The following YAP1 variants were observed in gnomAD, a reference collection of about 807,000 sequenced individuals.
YAP1 encodes transcriptional coactivator YAP1.
A neutral mutation model predicts 56.9 loss-of-function variants in YAP1; 5 were observed. The observed-to-expected ratio is 0.09, with a 90% confidence interval of 0.05 to 0.18. YAP1 has a LOEUF of 0.18. Among genes scored for constraint, YAP1 ranks in the 10% least tolerant of loss-of-function variants. The probability of loss-of-function intolerance (pLI) is 1.00; values close to 1 mark genes in which losing one functional copy is unlikely to be tolerated. For missense variants in YAP1, 539 were observed against 651.8 expected, an observed-to-expected ratio of 0.83 and a Z score of 1.88; for synonymous variants, 265 against 248.1, an observed-to-expected ratio of 1.07 and a Z score of -0.64.
At chr11:102,116,690 G>A (rs1343506006) in intron 2 of YAP1, among the ~76,000 whole-genome samples, 2 of 152,294 alleles carry the variant, frequency 1.3e-5, no homozygotes, top group African/African-American at 4.8e-5. Flanking sequence ...GAGGAGGAGA[G>A]ATAAGACATG....
chr11:102,117,639 G>A (rs1394144660), intron 2 of YAP1, among the ~76,000 whole-genome samples: 3 of 152,150 alleles, frequency 2.0e-5, no homozygotes, highest in African/African-American at 4.8e-5. Context: ...GCCCTCCTTA[G>A]GTCAGTGAGA....
At position 102,110,903 on chromosome 11, in the gene YAP1, C is replaced by A. The variant is rs1402910700; in HGVS notation, c.55C>A (p.Pro19Thr). Residue 19 changes from proline (P) to threonine (T), a missense_variant, in exon 1 of 9, where the codon CCG (proline) becomes ACG (threonine). Transcript: ENST00000282441. Reference sequence around the variant, plus strand: ...ACCGGCCCCCCAGGGCCAAGGGCAGCCGCCTTCGCAGCCCCCGCAGGGGCA... The same window carrying A: ...ACCGGCCCCCCAGGGCCAAGGGCAGACGCCTTCGCAGCCCCCGCAGGGGCA... Reference protein sequence around the residue: ...PQPAPQGQGQPPSQPPQGQGP... With the variant: ...PQPAPQGQGQTPSQPPQGQGP... 1 of 1,435,248 alleles carries A rather than the reference C, an allele frequency of 7.0e-7. No homozygotes were observed. Among genetic ancestry groups the A allele is most frequent in the East Asian group, 3.1e-5 (1 of 31,784 alleles). 88.9% of individuals were successfully genotyped at this position (1,435,248 alleles called of 1,614,324 possible).
At chr11:102,111,358 C>T (rs1005574944) in intron 1 of YAP1, among the ~76,000 whole-genome samples, 189 bp downstream of exon 1, 2 of 152,140 alleles carry the variant, frequency 1.3e-5, no homozygotes, top group African/African-American at 2.4e-5. Flanking sequence ...CCCCACTCCT[C>T]CCAGAGTCCG....
chr11:102,181,486 C>T (rs1947621616), intron 3 of YAP1, among the ~76,000 whole-genome samples: 1 of 152,022 alleles, frequency 6.6e-6, no homozygotes, highest in Admixed American at 6.6e-5. Flanking sequence ...ATAATAACTC[C>T]TATGGGTCAC....
rs1410982659 is a variant in YAP1 at position 102,207,519 on chromosome 11, C to CT, written c.984+1446dup. Among the ~76,000 whole-genome samples the CT allele has an allele frequency of 2.0e-5, 3 of 150,832 alleles. No individual in the cohort carries two copies. In the East Asian group the frequency reaches 5.8e-4, roughly 29 times the overall value. On this transcript the variant is annotated intron_variant, in intron 5 of 8. Transcript: ENST00000282441. The stretch of plus-strand genomic sequence containing the variant: ...CCAGCCTGGGCAACATGGCGAGACT[C>CT]TGTCTCTTAAAAAAAAAAAAAGCTC...
At chr11:102,206,210 A>G (rs1207000499) in intron 5 of YAP1, 136 bp downstream of exon 5, 19 of 1,043,934 alleles carry the variant, frequency 1.8e-5, no homozygotes, top group East Asian at 2.7e-5. Context: ...GAAGCATTCT[A>G]TCCAGCCCTG....
chr11:102,223,105 G>C (rs1301670079), intron 6 of YAP1, among the ~76,000 whole-genome samples: 2 of 151,776 alleles, frequency 1.3e-5, no homozygotes, highest in African/African-American at 2.4e-5. Flanking sequence ...AAAATTAGCT[G>C]GGCGTGGTGG....
At chr11:102,130,345 A>G (rs191570981) in intron 2 of YAP1, among the ~76,000 whole-genome samples, 113 of 152,262 alleles carry the variant, frequency 7.4e-4, no homozygotes, top group African/African-American at 2.6e-3. Context: ...CCTGGAACCA[A>G]TTCTTACCAG....
At position 102,186,730 on chromosome 11, in the gene YAP1, C is replaced by T. The variant is rs1331619713; in HGVS notation, c.802+599C>T. ...TCCCCTCCAGATCTCATGAATAAATCACATTTGCACAAAGGAACCCCTCCC... is the reference window on the plus strand; with the variant it reads ...TCCCCTCCAGATCTCATGAATAAATTACATTTGCACAAAGGAACCCCTCCC... On this transcript the variant is annotated intron_variant, in intron 4 of 8. Transcript: ENST00000282441. 2.0e-5 allele frequency: 3 copies of T among 152,560 alleles called. No homozygotes were observed. The Admixed American group carries it at 2.0e-4, about 10-fold the overall frequency. The allele number at this position is 152,560 out of a possible 1,614,324, so 9.5% of individuals were successfully genotyped here.
intron 1 of YAP1, among the ~76,000 whole-genome samples, chr11:102,112,092 A>G (rs1487356836): frequency 6.6e-6 from 1 of 152,180 alleles, no homozygotes; most frequent in Non-Finnish European, 1.5e-5. Flanking sequence ...GTTGCGCAGG[A>G]ACTGAGTTGC....
intron 2 of YAP1, among the ~76,000 whole-genome samples, chr11:102,137,310 C>A (rs903051032): frequency 3.9e-5 from 6 of 152,244 alleles, no homozygotes; most frequent in African/African-American, 9.6e-5. Context: ...CATGTTAAAA[C>A]CCTGAGTGTA....
intron 7 of YAP1, among the ~76,000 whole-genome samples, chr11:102,226,788 G>A (rs564896559): frequency 7.9e-5 from 12 of 152,042 alleles, no homozygotes; most frequent in Non-Finnish European, 1.6e-4. Context: ...ATGATTTCCC[G>A]TTTCGTTTCG....
intron 4 of YAP1, among the ~76,000 whole-genome samples, chr11:102,190,747 G>A (rs1293600687): frequency 3.3e-5 from 5 of 152,168 alleles, no homozygotes; most frequent in Admixed American, 1.3e-4. Context: ...AGACCAGCCT[G>A]GCCAACATGG....
chr11:102,227,651 G>A lies in YAP1; in HGVS notation c.1276+70G>A, dbSNP rs889112127. 2.3e-5 allele frequency: 24 copies of A among 1,022,832 alleles called. No individual in the cohort carries two copies. In the Admixed American group the frequency reaches 3.6e-4, roughly 15 times the overall value. 63.4% of individuals were successfully genotyped at this position (1,022,832 alleles called of 1,614,324 possible). A position where few individuals can be genotyped will look rare whatever the true frequency, so the allele number is the denominator to read the frequency against. On this transcript the variant is annotated intron_variant, in intron 8 of 8. Coordinates refer to ENST00000282441, the MANE Select transcript of YAP1 (RefSeq NM_001130145.3). ...ATATGTTATCACCAGGTCTCATAAG[G>A]TATTGTAAGCAAAGATGATTCAGAA...
chr11:102,211,241 T>C (rs1949389353), intron 6 of YAP1, among the ~76,000 whole-genome samples: 1 of 152,230 alleles, frequency 6.6e-6, no homozygotes, highest in Non-Finnish European at 1.5e-5. Flanking sequence ...CAAATTCTTC[T>C]TGATCTTTGT....
intron 3 of YAP1, among the ~76,000 whole-genome samples, chr11:102,182,624 G>A (rs936981196): frequency 2.0e-5 from 3 of 152,106 alleles, no homozygotes; most frequent in African/African-American, 4.8e-5. Context: ...GCCTTTATCT[G>A]TATTGTTCCA....
chr11:102,183,949 C>T (rs1181226899), intron 3 of YAP1, among the ~76,000 whole-genome samples: 4 of 150,182 alleles, frequency 2.7e-5, no homozygotes, highest in Non-Finnish European at 4.5e-5. Flanking sequence ...TAGTGGCGGG[C>T]GCCTGTAGTC....
chr11:102,215,566 G>A (rs1393517358), intron 6 of YAP1, among the ~76,000 whole-genome samples: 2 of 152,070 alleles, frequency 1.3e-5, no homozygotes, highest in African/African-American at 2.4e-5. Flanking sequence ...CCTCCTCCTC[G>A]TGGGTTCCAA....
At chr11:102,147,282 A>G (rs1433613665) in intron 2 of YAP1, among the ~76,000 whole-genome samples, 2 of 152,194 alleles carry the variant, frequency 1.3e-5, no homozygotes, top group African/African-American at 2.4e-5. Context: ...ATGAGGATTT[A>G]TAGTGTAGTA....
Sources: gnomAD v4.1 joint callset for allele counts (sites outside exome capture counted in the v4.1 genomes callset) on GRCh38, gnomAD v4.1.1 for gene constraint, MANE v1.5 for transcripts, NCBI Gene and HGNC (gene_info 2026-07-23, HGNC 2026-07-21) for gene names.